The following ECT2L variants were observed in gnomAD, a reference collection of about 807,000 sequenced individuals.
ECT2L encodes the protein epithelial cell-transforming sequence 2 oncogene-like.
Under a neutral mutation model 122.8 loss-of-function variants are expected in ECT2L, and 126 were observed. That is an observed-to-expected ratio of 1.03 (90% CI 0.89 to 1.19). The LOEUF is 1.19. Among genes scored for constraint, ECT2L ranks in the 50% most tolerant of loss-of-function variants. ECT2L has a pLI of 0.00. For missense variants in ECT2L, 1,012 were observed against 1,064.1 expected (o/e 0.95, Z 0.68); for synonymous variants, 385 against 381.8 (o/e 1.01, Z -0.10).
chr6:138,833,194 G>A (rs1776709641), intron 4 of ECT2L, among the ~76,000 whole-genome samples: 1 of 152,156 alleles, frequency 6.6e-6, no homozygotes, highest in Admixed American at 6.5e-5. Flanking sequence ...TTGGAGATGA[G>A]ATATGGGTGG....
At chr6:138,887,472 C>G (rs369448006) in intron 19 of ECT2L, among the ~76,000 whole-genome samples, 2 of 152,112 alleles carry the variant, frequency 1.3e-5, no homozygotes, top group Non-Finnish European at 2.9e-5. Flanking sequence ...GTGATCTGCC[C>G]GCCTCGGCCT....
intron 10 of ECT2L, among the ~76,000 whole-genome samples, chr6:138,862,025 G>C (rs1397521072): frequency 6.6e-6 from 1 of 152,096 alleles, no homozygotes; most frequent in Non-Finnish European, 1.5e-5. Flanking sequence ...GACTGTTTCA[G>C]CTTCAATATT....
chr6:138,866,323 T>G (rs1778037415), intron 12 of ECT2L, among the ~76,000 whole-genome samples: 1 of 152,098 alleles, frequency 6.6e-6, no homozygotes, highest in Non-Finnish European at 1.5e-5. Flanking sequence ...AATTTTTATT[T>G]TATTTTTATT....
At chr6:138,869,104 T>C (rs1250802916) in intron 13 of ECT2L, among the ~76,000 whole-genome samples, 1 of 152,060 alleles carries the variant, frequency 6.6e-6, no homozygotes, top group Non-Finnish European at 1.5e-5. Context: ...GAGGTGAAGG[T>C]TGCAGTGAGC....
intron 5 of ECT2L, among the ~76,000 whole-genome samples, chr6:138,842,613 A>G (rs750172649): frequency 1.3e-5 from 2 of 151,940 alleles, no homozygotes; most frequent in African/African-American, 4.8e-5. Context: ...CTACTAAAAA[A>G]ACAAAAAAAT....
rs537748427 is a variant in ECT2L, at chr6:138,896,788, T to C, written c.2415-4160T>C. 2.0e-5 allele frequency among the ~76,000 whole-genome samples: 3 copies of C among 152,166 alleles called. No individual in the cohort carries two copies. In the East Asian group the frequency reaches 5.8e-4, roughly 30 times the overall value. ...TCAGCCTCCCAAGTAGCTGGGACTA[T>C]AGGTGTGCACCACCACACCTGGCTC... On this transcript the variant is annotated intron_variant, in intron 20 of 21. Transcript: ENST00000541398.
chr6:138,860,431 T>C (rs2128398268), intron 10 of ECT2L, among the ~76,000 whole-genome samples: 1 of 152,312 alleles, frequency 6.6e-6, no homozygotes, highest in African/African-American at 2.4e-5. Context: ...TGCACCTTTG[T>C]TGAAATCTAT....
intron 9 of ECT2L, among the ~76,000 whole-genome samples, chr6:138,850,476 C>T (rs1187911017): frequency 6.6e-6 from 1 of 152,062 alleles, no homozygotes; most frequent in Non-Finnish European, 1.5e-5. Context: ...GTATAATGTC[C>T]TGAAAGGTCA....
chr6:138,889,075 G>A, intron 20 of ECT2L, 44 bp downstream of exon 20: 1 of 1,088,754 alleles, frequency 9.2e-7, no homozygotes. Context: ...CACCTTCCAA[G>A]CAGGTGACTG....
intron 14 of ECT2L, among the ~76,000 whole-genome samples, chr6:138,877,965 A>C (rs1319804342): frequency 6.6e-6 from 1 of 152,166 alleles, no homozygotes; most frequent in Non-Finnish European, 1.5e-5. Flanking sequence ...TATTTCAAAT[A>C]CAGTGAGTTC....
intron 20 of ECT2L, among the ~76,000 whole-genome samples, chr6:138,890,490 A>ATTTTTTTTTTTTT (rs1562495167): frequency 2.0e-5 from 1 of 50,190 alleles, no homozygotes; most frequent in African/African-American, 8.5e-5. Flanking sequence ...GTTTTCTTTG[A>ATTTTTTTTTTTTT]TCTTTTTTTT....
At chr6:138,881,320 CT>C in intron 15 of ECT2L, 149 bp downstream of exon 15, 2 of 784,430 alleles carry the variant, frequency 2.5e-6, no homozygotes, top group Non-Finnish European at 4.1e-6. Flanking sequence ...ATCACATTAC[CT>C]ACCGGGCTGC....
At position 138,897,568 on chromosome 6, in the gene ECT2L, T is replaced by C. The variant is rs115356290; in HGVS notation, c.2415-3380T>C. Reference sequence around the variant, plus strand: ...TTAACCGTATTTACGGTTAAACTTTTAGAGTTTTTGGTGTTTGGTCTGTGG... The same window carrying C: ...TTAACCGTATTTACGGTTAAACTTTCAGAGTTTTTGGTGTTTGGTCTGTGG... On this transcript the variant is annotated intron_variant, in intron 20 of 21. Coordinates refer to ENST00000541398, the MANE Select transcript of ECT2L (RefSeq NM_001077706.3). Among the ~76,000 whole-genome samples, 285 of 152,346 alleles carry C rather than the reference T, an allele frequency of 1.9e-3. 1 individual carries two copies. Among genetic ancestry groups the C allele is most frequent in the African/African-American group, 6.7e-3 (279 of 41,572 alleles).
chr6:138,884,152 C>T (rs969952466), intron 16 of ECT2L, among the ~76,000 whole-genome samples: 6 of 152,110 alleles, frequency 3.9e-5, no homozygotes, highest in Admixed American at 3.3e-4. Flanking sequence ...AGGTGTGGGC[C>T]ACCATGCCAG....
In ECT2L at chr6:138,834,950, CTCTG is replaced by C. The variant is rs796104228; in HGVS notation, c.180-3398_180-3395del. The stretch of plus-strand genomic sequence containing the variant: ...ACACACACACACTCTCATTCTCTCT[CTCTG>C]TCTCTTTCCTCACAACGGCCTGCCA... On this transcript the variant is annotated intron_variant, in intron 4 of 21. Coordinates refer to ENST00000541398, the MANE Select transcript of ECT2L (RefSeq NM_001077706.3). Among the ~76,000 whole-genome samples the C allele has an allele frequency of 1.3e-3, 200 of 150,350 alleles. 1 individual carries two copies. Among genetic ancestry groups the C allele is most frequent in the Admixed American group, 4.7e-3 (71 of 15,076 alleles).
At chr6:138,797,644 GA>G (rs147737188) in intron 1 of ECT2L, among the ~76,000 whole-genome samples, 7 of 147,066 alleles carry the variant, frequency 4.8e-5, no homozygotes, top group South Asian at 2.2e-4. Context: ...GTTCTGAGAG[GA>G]AAAAAAAAAC....
intron 20 of ECT2L, among the ~76,000 whole-genome samples, chr6:138,891,416 G>A (rs571140214): frequency 1.3e-4 from 20 of 152,266 alleles, no homozygotes; most frequent in Admixed American, 1.2e-3. Context: ...GGTCTGATAA[G>A]AGACATTTAC....
At chr6:138,831,063 A>T (rs1408066426) in intron 4 of ECT2L, among the ~76,000 whole-genome samples, 2 of 152,210 alleles carry the variant, frequency 1.3e-5, no homozygotes, top group African/African-American at 4.8e-5. Flanking sequence ...CTCTATTTTA[A>T]TGGTACCACC....
chr6:138,880,422 T>C (rs1295405266), intron 14 of ECT2L, among the ~76,000 whole-genome samples: 1 of 152,220 alleles, frequency 6.6e-6, no homozygotes, highest in African/African-American at 2.4e-5. Context: ...ATGACTCCAC[T>C]TCTTAATACT....
Sources: gnomAD v4.1 joint callset for allele counts (sites outside exome capture counted in the v4.1 genomes callset) on GRCh38, gnomAD v4.1.1 for gene constraint, MANE v1.5 for transcripts, NCBI Gene and HGNC (gene_info 2026-07-23, HGNC 2026-07-21) for gene names.